Variants in PRKN observed in about 807,000 individuals in gnomAD.
PRKN encodes parkin RBR E3 ubiquitin protein ligase.
Under a neutral mutation model 59.5 loss-of-function variants are expected in PRKN, and 56 were observed. The observed-to-expected ratio is 0.94, with a 90% CI of 0.76 to 1.18. The LOEUF is 1.18. PRKN is among the 50% of genes most tolerant of loss of function. The pLI, the probability that PRKN is intolerant of heterozygous loss-of-function variation, is 0.00. For synonymous variants in PRKN, 250 were observed against 222.1 expected (o/e 1.13, Z -1.12); for missense variants, 657 against 596.4 (o/e 1.10, Z -1.06).
At chr6:161,908,924 C>T (rs1393056204) in intron 6 of PRKN, among the ~76,000 whole-genome samples, 2 of 152,128 alleles carry the variant, frequency 1.3e-5, no homozygotes, top group Non-Finnish European at 1.5e-5. Context: ...GCTACAGCCA[C>T]TGTGTCCTGT....
At chr6:162,424,738 GAAA>G in intron 2 of PRKN, among the ~76,000 whole-genome samples, 1 of 121,156 alleles carries the variant, frequency 8.3e-6, no homozygotes, top group African/African-American at 3.0e-5. Context: ...CTGTCTCAAA[GAAA>G]AAAAAAAAAA....
intron 2 of PRKN, among the ~76,000 whole-genome samples, chr6:162,275,612 C>A (rs1178116065): frequency 4.6e-5 from 7 of 152,074 alleles, no homozygotes; most frequent in African/African-American, 1.7e-4. Flanking sequence ...TGGTGAAACC[C>A]TGTCTCTACT....
intron 3 of PRKN, among the ~76,000 whole-genome samples, chr6:162,235,950 G>GAAAGAAAGAAAGAAAGAAAGAAAGAA (rs1562602152): frequency 9.8e-6 from 1 of 102,332 alleles, no homozygotes; most frequent in African/African-American, 3.8e-5. Flanking sequence ...AGGAAGGAAG[G>GAAAGAAAGAAAGAAAGAAAGAAAGAA]AAGAAAGGAA....
chr6:162,673,738 ACC>A (rs1779427993), intron 1 of PRKN, among the ~76,000 whole-genome samples: 2 of 152,096 alleles, frequency 1.3e-5, no homozygotes, highest in African/African-American at 4.8e-5. Context: ...AAACATCCAA[ACC>A]ATACAGAGGA....
intron 3 of PRKN, among the ~76,000 whole-genome samples, chr6:162,260,909 C>T (rs567701933): frequency 2.0e-5 from 3 of 152,180 alleles, no homozygotes; most frequent in African/African-American, 7.2e-5. Context: ...TGTACAGGAA[C>T]AAACATAGTA....
chr6:162,109,161 C>T (rs1780315328), intron 4 of PRKN, among the ~76,000 whole-genome samples: 1 of 152,180 alleles, frequency 6.6e-6, no homozygotes, highest in Non-Finnish European at 1.5e-5. Flanking sequence ...TGACACAGCA[C>T]CCTGGTGGGT....
At chr6:161,883,756 A>C (rs1795031320) in intron 6 of PRKN, among the ~76,000 whole-genome samples, 1 of 152,062 alleles carries the variant, frequency 6.6e-6, no homozygotes, top group South Asian at 2.1e-4. Context: ...GGATTCAAGC[A>C]ATTTTCCTGC....
intron 6 of PRKN, among the ~76,000 whole-genome samples, chr6:161,954,024 T>C (rs1381248111): frequency 6.6e-6 from 1 of 152,170 alleles, no homozygotes; most frequent in African/African-American, 2.4e-5. Context: ...ACTAATAGTA[T>C]CTACCTCCCA....
At chr6:162,009,851 A>C (rs756095306) in intron 5 of PRKN, among the ~76,000 whole-genome samples, 17 of 151,576 alleles carry the variant, frequency 1.1e-4, no homozygotes, top group Non-Finnish European at 2.4e-4. Context: ...CATGATAATC[A>C]TTTGAACCTC....
intron 2 of PRKN, among the ~76,000 whole-genome samples, chr6:162,383,184 A>T (rs1786591874): frequency 1.3e-5 from 2 of 152,200 alleles, no homozygotes; most frequent in South Asian, 4.1e-4. Context: ...TTTCTTAATG[A>T]CATCTAGAAT....
chr6:161,618,811 G>A (rs1269021719), intron 7 of PRKN, among the ~76,000 whole-genome samples: 2 of 152,072 alleles, frequency 1.3e-5, no homozygotes, highest in Non-Finnish European at 2.9e-5. Flanking sequence ...GATTAAAACC[G>A]CACTCGTGTC....
At chr6:161,638,540 T>C (rs1783614277) in intron 7 of PRKN, among the ~76,000 whole-genome samples, 2 of 152,140 alleles carry the variant, frequency 1.3e-5, no homozygotes, top group South Asian at 4.1e-4. Context: ...AGAGGTCAAA[T>C]GCCAGGAAGT....
At chr6:161,383,299 T>C (rs764922804) in intron 10 of PRKN, among the ~76,000 whole-genome samples, 2 of 152,246 alleles carry the variant, frequency 1.3e-5, no homozygotes, top group Non-Finnish European at 2.9e-5. Flanking sequence ...GCTTGTTTGG[T>C]TCGTGCCTTC....
intron 1 of PRKN, among the ~76,000 whole-genome samples, chr6:162,473,175 TA>T (rs1791841817): frequency 6.6e-6 from 1 of 152,194 alleles, no homozygotes; most frequent in African/African-American, 2.4e-5. Flanking sequence ...GAAGTCATTT[TA>T]AGCCTTTCCC....
chr6:162,032,810 T>TA, intron 5 of PRKN, among the ~76,000 whole-genome samples: 1 of 152,336 alleles, frequency 6.6e-6, no homozygotes, highest in South Asian at 2.1e-4. Context: ...AAACCACACT[T>TA]ACAGTGGTAT....
Position 161,417,140 on chromosome 6 carries a change from G to A in PRKN, c.1084-30263C>T, listed in dbSNP as rs1787887528. Reference sequence around the variant, plus strand: ...GGTCCAGAGTTTCTGATGGCAGCGGGTTTTTGATGGCCTGTAAAGTCATCT... The same window carrying A: ...GGTCCAGAGTTTCTGATGGCAGCGGATTTTTGATGGCCTGTAAAGTCATCT... On this transcript the variant is annotated intron_variant, in intron 9 of 11. Transcript: ENST00000366898. This position sits in a 1 kb window ranked among gnomAD's most constrained non-coding sequence, Gnocchi z 5.4. Among the ~76,000 whole-genome samples, 2 of 152,118 alleles carry A rather than the reference G, an allele frequency of 1.3e-5. No homozygotes were observed. The highest frequency in any genetic ancestry group is 4.8e-5 in the African/African-American group (2 of 41,410).
rs117040941 is a variant in PRKN, at chr6:161,813,331, G to A, written c.735-27423C>T. Among the ~76,000 whole-genome samples the A allele has an allele frequency of 6.8e-3, 1,039 of 152,222 alleles. 7 individuals carry two copies. The highest frequency in any genetic ancestry group is 0.014 in the Middle Eastern group (4 of 294). On this transcript the variant is annotated intron_variant, in intron 6 of 11. Transcript: ENST00000366898. The stretch of plus-strand genomic sequence containing the variant: ...GTCTCAGGCGCCTCACCCACCACAG[G>A]AGGGGATGTCCCCAGCCTCACCGGG...
At chr6:161,897,996 G>T (rs1401936322) in intron 6 of PRKN, among the ~76,000 whole-genome samples, 1 of 129,150 alleles carries the variant, frequency 7.7e-6, no homozygotes, top group African/African-American at 2.9e-5. Flanking sequence ...TCTCCCAGTT[G>T]CATAGAAAAG....
At chr6:162,601,210 C>T (rs62429072) in intron 1 of PRKN, among the ~76,000 whole-genome samples, 1 of 151,654 alleles carries the variant, frequency 6.6e-6, no homozygotes, top group Non-Finnish European at 1.5e-5. Context: ...CCGCCAGTCC[C>T]ATCATAGTGG....
Sources: allele counts gnomAD v4.1 joint callset (sites outside exome capture counted in the v4.1 genomes callset), GRCh38; gene constraint gnomAD v4.1.1; non-coding constraint Gnocchi (gnomAD v3.1); transcripts MANE v1.5; gene names NCBI Gene and HGNC (gene_info 2026-07-23, HGNC 2026-07-21).